The following GRM7 variants were observed in gnomAD, a reference collection of about 807,000 sequenced individuals.
The protein encoded by GRM7 is glutamate metabotropic receptor 7, also known as metabotropic glutamate receptor 7.
A neutral mutation model predicts 84.5 loss-of-function variants in GRM7; 35 were observed. The observed-to-expected ratio is 0.41, with a 90% CI of 0.32 to 0.55. The LOEUF is 0.55. Ranked by LOEUF, GRM7 falls within the 20% of genes least tolerant of loss-of-function variation. GRM7 has a pLI of 0.19. For missense variants in GRM7, 1,003 were observed against 1,194.6 expected, an observed-to-expected ratio of 0.84 and a Z score of 2.36; for synonymous variants, 487 against 455.1, an observed-to-expected ratio of 1.07 and a Z score of -0.89.
intron 8 of GRM7, among the ~76,000 whole-genome samples, chr3:7,650,501 A>G (rs904650460): frequency 6.6e-6 from 1 of 152,208 alleles, no homozygotes; most frequent in African/African-American, 2.4e-5. Flanking sequence ...TGCTGGTTCA[A>G]AAGGTAAAAA....
chr3:6,974,505 A>G (rs1455036815), intron 1 of GRM7, among the ~76,000 whole-genome samples: 1 of 152,154 alleles, frequency 6.6e-6, no homozygotes, highest in African/African-American at 2.4e-5. Context: ...TGAGCTTGGG[A>G]ACTCAACATG....
At chr3:7,327,229 T>C (rs563756480) in intron 4 of GRM7, among the ~76,000 whole-genome samples, 2 of 152,314 alleles carry the variant, frequency 1.3e-5, no homozygotes, top group African/African-American at 4.8e-5. Flanking sequence ...AATATTCTTA[T>C]ATTGAGTATT....
rs112862956 is a variant in GRM7 at position 7,547,577 on chromosome 3, A to G, written c.1516-30845A>G. Among the ~76,000 whole-genome samples the G allele has an allele frequency of 4.1e-3, 620 of 152,284 alleles. 4 individuals are homozygous for G. The highest frequency in any genetic ancestry group is 0.014 in the African/African-American group (570 of 41,568). On this transcript the variant is annotated intron_variant, in intron 7 of 9. Coordinates refer to ENST00000357716, the MANE Select transcript of GRM7 (RefSeq NM_000844.4). ...AAGAATGTGCTATGGTGCTTCCAAA[A>G]AAATCCTATTGCCCAGGTCCAACAC...
At chr3:7,730,925 A>T (rs1702307621) in intron 9 of GRM7, among the ~76,000 whole-genome samples, 1 of 152,202 alleles carries the variant, frequency 6.6e-6, no homozygotes, top group Non-Finnish European at 1.5e-5. Context: ...CCAAAGTAAA[A>T]CATATACACC....
chr3:7,686,464 A>G (rs1485386372), intron 9 of GRM7: 2 of 1,120,544 alleles, frequency 1.8e-6, no homozygotes, highest in Admixed American at 1.7e-5. Flanking sequence ...AAAACAATCT[A>G]ATTCTTATTT....
chr3:7,398,699 A>G (rs1695320650), intron 4 of GRM7, among the ~76,000 whole-genome samples: 1 of 152,106 alleles, frequency 6.6e-6, no homozygotes, highest in Non-Finnish European at 1.5e-5. Flanking sequence ...TCAGTGCAAA[A>G]GAAAAGCATG....
intron 9 of GRM7, chr3:7,681,155 T>C (rs1471310851): frequency 3.9e-5 from 6 of 152,352 alleles, no homozygotes; most frequent in South Asian, 2.1e-4. Context: ...AGATTTGTTT[T>C]CCAGGAATAT....
rs1443477310 is a variant in GRM7, at chr3:7,473,523, AG to A, written c.1515+11802del. On this transcript the variant is annotated intron_variant, in intron 7 of 9. Transcript: ENST00000357716. ...GAGAGAGAGAGAGAGAGAGAGAGAG[AG>A]AGAGAGAAACACCTTGACAGAGTTT... 1.7e-4 allele frequency among the ~76,000 whole-genome samples: 26 copies of A among 151,736 alleles called. No individual in the cohort carries two copies. The East Asian group carries it at 2.5e-3, about 15-fold the overall frequency.
At chr3:7,112,778 T>C (rs1048836385) in intron 1 of GRM7, among the ~76,000 whole-genome samples, 8 of 152,128 alleles carry the variant, frequency 5.3e-5, no homozygotes, top group African/African-American at 1.9e-4. Context: ...CAGGAGAAAT[T>C]TTCCTATCCC....
chr3:6,947,820 A>G (rs1196312131), intron 1 of GRM7, among the ~76,000 whole-genome samples: 1 of 152,142 alleles, frequency 6.6e-6, no homozygotes, highest in Non-Finnish European at 1.5e-5. Flanking sequence ...CATTTCTTCT[A>G]GATTTTCTAG....
At chr3:7,405,965 A>G (rs981105725) in intron 4 of GRM7, among the ~76,000 whole-genome samples, 2 of 151,650 alleles carry the variant, frequency 1.3e-5, no homozygotes, top group African/African-American at 2.4e-5. Flanking sequence ...TGAATATTAT[A>G]TATGTAATAT....
chr3:7,404,911 A>G (rs1432609974), intron 4 of GRM7, among the ~76,000 whole-genome samples: 1 of 152,192 alleles, frequency 6.6e-6, no homozygotes, highest in East Asian at 1.9e-4. Context: ...GACAATCTCT[A>G]ACACCTACCA....
intron 2 of GRM7, among the ~76,000 whole-genome samples, chr3:7,256,841 A>G (rs1014644454): frequency 1.3e-5 from 2 of 152,238 alleles, no homozygotes; most frequent in African/African-American, 2.4e-5. Flanking sequence ...TCAATTTTCC[A>G]ATAGAGACTG....
intron 7 of GRM7, among the ~76,000 whole-genome samples, chr3:7,525,889 G>A (rs534701187): frequency 3.8e-4 from 58 of 152,186 alleles, no homozygotes; most frequent in African/African-American, 1.2e-3. Flanking sequence ...AAATGATTTT[G>A]TTCTTTTTTA....
rs41276491 is a variant in GRM7 at position 7,146,415 on chromosome 3, C to A, written c.520-37C>A. ...TATAAATGAGTCTCTTACATCCTGA[C>A]GGTGCACTCTCACGTGGTGCTTTCT... On this transcript the variant is annotated intron_variant, in intron 1 of 9. Coordinates refer to ENST00000357716, the MANE Select transcript of GRM7 (RefSeq NM_000844.4). 4 of 1,418,996 alleles carry A rather than the reference C, an allele frequency of 2.8e-6. No homozygotes were observed. The Admixed American group carries it at 5.0e-5, about 18-fold the overall frequency. 87.9% of individuals were successfully genotyped at this position (1,418,996 alleles called of 1,614,324 possible).
At chr3:7,530,907 T>A (rs1256579080) in intron 7 of GRM7, among the ~76,000 whole-genome samples, 1 of 152,256 alleles carries the variant, frequency 6.6e-6, no homozygotes, top group East Asian at 1.9e-4. Flanking sequence ...GCCTGTTCAC[T>A]CTGATGATAG....
At chr3:7,629,823 T>A (rs1020109460) in intron 8 of GRM7, among the ~76,000 whole-genome samples, 6 of 152,186 alleles carry the variant, frequency 3.9e-5, no homozygotes, top group Non-Finnish European at 5.9e-5. Flanking sequence ...AAGTTTTTTT[T>A]AAATCTCCCA....
At chr3:7,590,845 C>T (rs1695748689) in intron 8 of GRM7, among the ~76,000 whole-genome samples, 1 of 152,148 alleles carries the variant, frequency 6.6e-6, no homozygotes, top group South Asian at 2.1e-4. Context: ...TCCTCAGTAA[C>T]TTATGTCACT....
At chr3:7,245,364 T>C (rs532079871) in intron 2 of GRM7, among the ~76,000 whole-genome samples, 1 of 151,882 alleles carries the variant, frequency 6.6e-6, no homozygotes, top group South Asian at 2.1e-4. Context: ...ATGGTCAAAC[T>C]AGGGGAAATC....
Sources: gnomAD v4.1 joint callset for allele counts (sites outside exome capture counted in the v4.1 genomes callset) on GRCh38, gnomAD v4.1.1 for gene constraint, MANE v1.5 for transcripts, NCBI Gene and HGNC (gene_info 2026-07-23, HGNC 2026-07-21) for gene names.